The following FAM163A variants were observed in gnomAD, a reference collection of about 807,000 sequenced individuals.
FAM163A encodes protein FAM163A.
In FAM163A, 7 loss-of-function variants were observed where a neutral mutation model predicts 12.0. The ratio of observed to expected loss-of-function variants is 0.58; its 90% CI spans 0.33 to 1.10. The LOEUF is 1.10. FAM163A is among the 50% of genes least tolerant of loss of function. FAM163A has a pLI of 0.03. For synonymous variants in FAM163A, 101 were observed against 91.0 expected (o/e 1.11, Z -0.62); for missense variants, 202 against 218.6 (o/e 0.92, Z 0.48).
chr1:179,762,461 A>G (rs1220276398), intron 1 of FAM163A, among the ~76,000 whole-genome samples: 1 of 152,214 alleles, frequency 6.6e-6, no homozygotes, highest in Non-Finnish European at 1.5e-5. Context: ...TTTCATTTGC[A>G]GATTGCTTAC....
chr1:179,730,670 T>A, the FAM163A span, among the ~76,000 whole-genome samples: 1 of 152,346 alleles, frequency 6.6e-6, no homozygotes, highest in African/African-American at 2.4e-5. Context: ...AATCTATATA[T>A]TTTTTGTGAG....
intron 1 of FAM163A, among the ~76,000 whole-genome samples, chr1:179,749,268 C>T (rs2504044): frequency 0.85 from 129,892 of 152,246 alleles, 55,950 homozygotes; most frequent in East Asian, 1. Context: ...CTCTATACTC[C>T]CCAGGGACTC....
Position 179,768,662 on chromosome 1 carries a change from G to A in FAM163A, c.-136+25239G>A, listed in dbSNP as rs528342680. 5.9e-4 allele frequency among the ~76,000 whole-genome samples: 89 copies of A among 151,870 alleles called. 2 individuals are homozygous for A. The South Asian group carries it at 0.017, about 28-fold the overall frequency. Reference sequence around the variant, plus strand: ...CACTCTGTCGCCAGGCTGAAGTACAGTGGTATGATCTTGGCTCACTGCAAC... The same window carrying A: ...CACTCTGTCGCCAGGCTGAAGTACAATGGTATGATCTTGGCTCACTGCAAC... On this transcript the variant is annotated intron_variant, in intron 1 of 4. Coordinates refer to ENST00000341785, the MANE Select transcript of FAM163A (RefSeq NM_173509.3).
upstream of FAM163A, among the ~76,000 whole-genome samples, chr1:179,739,428 G>C (rs1489015882): frequency 1.3e-5 from 2 of 152,204 alleles, no homozygotes; most frequent in African/African-American, 4.8e-5. Context: ...TCTAGACCAA[G>C]GTTGTCCAAC....
intron 1 of FAM163A, among the ~76,000 whole-genome samples, chr1:179,753,985 G>C (rs1170803040): frequency 6.6e-6 from 1 of 152,182 alleles, no homozygotes; most frequent in Non-Finnish European, 1.5e-5. Context: ...TATCTTCACT[G>C]TCGGTGGCTA....
chr1:179,808,240 T>A (rs1280578830), intron 2 of FAM163A, among the ~76,000 whole-genome samples: 1 of 152,260 alleles, frequency 6.6e-6, no homozygotes, highest in Non-Finnish European at 1.5e-5. Context: ...ATGGTCTCGC[T>A]TCTCCTCCAG....
chr1:179,741,419 A>G (rs1284935054), upstream of FAM163A, among the ~76,000 whole-genome samples: 1 of 152,252 alleles, frequency 6.6e-6, no homozygotes, highest in East Asian at 1.9e-4. Context: ...ATAGTCCAGT[A>G]ATTTCACCCC....
intron 1 of FAM163A, among the ~76,000 whole-genome samples, chr1:179,761,689 A>G (rs1686835239): frequency 6.6e-6 from 1 of 152,216 alleles, no homozygotes; most frequent in Non-Finnish European, 1.5e-5. Context: ...TTGAAACTCC[A>G]AGAACACTGT....
chr1:179,767,248 T>C (rs912967148), intron 1 of FAM163A, among the ~76,000 whole-genome samples: 41 of 152,110 alleles, frequency 2.7e-4, no homozygotes, highest in African/African-American at 9.2e-4. Context: ...GCTGGACATG[T>C]TCGAGTCCAA....
chr1:179,744,155 G>T (rs561343133), intron 1 of FAM163A, among the ~76,000 whole-genome samples: 11 of 152,292 alleles, frequency 7.2e-5, no homozygotes, highest in Non-Finnish European at 1.2e-4. Context: ...CTCGGCCAGC[G>T]AGTCTGGGGC....
At chr1:179,782,014 G>A (rs1689835244) in intron 1 of FAM163A, among the ~76,000 whole-genome samples, 1 of 150,838 alleles carries the variant, frequency 6.6e-6, no homozygotes, top group Non-Finnish European at 1.5e-5. Flanking sequence ...GCACAAACTT[G>A]TTTATGCTAT....
At chr1:179,734,492 G>A in the FAM163A span, among the ~76,000 whole-genome samples, 7 of 152,074 alleles carry the variant, frequency 4.6e-5, no homozygotes, top group African/African-American at 1.7e-4. Context: ...ATTTCTCACC[G>A]TTCCATAAGC....
intron 1 of FAM163A, among the ~76,000 whole-genome samples, chr1:179,752,002 T>G (rs1045677152): frequency 2.0e-5 from 3 of 152,022 alleles, no homozygotes; most frequent in African/African-American, 7.2e-5. Context: ...GCCAAAATCT[T>G]GAAAAAGAAG....
chr1:179,810,126 G>A (rs964851872), intron 2 of FAM163A, among the ~76,000 whole-genome samples: 2 of 152,166 alleles, frequency 1.3e-5, no homozygotes, highest in Non-Finnish European at 2.9e-5. Context: ...ATAGGAGACC[G>A]TGTAAGACAC....
At chr1:179,740,362 G>A (rs1216623805), upstream of FAM163A, among the ~76,000 whole-genome samples, 2 of 151,926 alleles carry the variant, frequency 1.3e-5, no homozygotes, top group African/African-American at 2.4e-5. Context: ...ATTTTTTTAT[G>A]TAGAGACAGG....
chr1:179,764,432 C>G (rs914969854), intron 1 of FAM163A, among the ~76,000 whole-genome samples: 1 of 152,160 alleles, frequency 6.6e-6, no homozygotes, highest in Non-Finnish European at 1.5e-5. Flanking sequence ...CAAATGGAAA[C>G]AGGTTGTGCA....
At chr1:179,769,548 G>A (rs1013329699) in intron 1 of FAM163A, among the ~76,000 whole-genome samples, 4 of 152,306 alleles carry the variant, frequency 2.6e-5, no homozygotes, top group Non-Finnish European at 5.9e-5. Context: ...GAAATAGGAG[G>A]AGTTTTGACT....
the FAM163A span, among the ~76,000 whole-genome samples, chr1:179,735,478 C>T: frequency 7.1e-6 from 1 of 140,434 alleles, no homozygotes; most frequent in Non-Finnish European, 1.5e-5. Context: ...GAGTTGGAAC[C>T]GTAAAGGAGT....
At chr1:179,736,320 A>C in the FAM163A span, among the ~76,000 whole-genome samples, 3 of 121,690 alleles carry the variant, frequency 2.5e-5, no homozygotes, top group African/African-American at 1.1e-4. Context: ...AAATTAATAC[A>C]ACTCAGTGAC....
Sources: allele counts gnomAD v4.1 joint callset (sites outside exome capture counted in the v4.1 genomes callset), GRCh38; gene constraint gnomAD v4.1.1; transcripts MANE v1.5; gene names NCBI Gene and HGNC (gene_info 2026-07-23, HGNC 2026-07-21).